SPPL2B: variants seen among roughly 807,000 people sequenced by gnomAD.
The protein encoded by SPPL2B is signal peptide peptidase-like 2B.
In SPPL2B, 39 loss-of-function variants were observed where a neutral mutation model predicts 59.7. That is an observed-to-expected ratio of 0.65 (90% CI 0.51 to 0.85). SPPL2B has a LOEUF of 0.85. Ranked by LOEUF, SPPL2B falls within the 40% of genes least tolerant of loss-of-function variation. The pLI, the probability that SPPL2B is intolerant of heterozygous loss-of-function variation, is 0.00. For missense variants in SPPL2B, 865 were observed against 849.0 expected (o/e 1.02, Z -0.23); for synonymous variants, 419 against 370.8 (o/e 1.13, Z -1.49).
chr19:2,350,857 A>G (rs575746623), intron 13 of SPPL2B, among the ~76,000 whole-genome samples: 3 of 152,314 alleles, frequency 2.0e-5, no homozygotes, highest in South Asian at 4.1e-4. Flanking sequence ...AAGGGTGGCC[A>G]TGTGTGCGTT....
At chr19:2,330,577 G>A (rs1968234451) in intron 1 of SPPL2B, 1 of 148,542 alleles carries the variant, frequency 6.7e-6, no homozygotes, top group East Asian at 1.9e-4. Flanking sequence ...GTGTAGGGTG[G>A]AATAATGCTG....
At chr19:2,347,914 C>T (rs1479826987) in intron 13 of SPPL2B, among the ~76,000 whole-genome samples, 3 of 28,940 alleles carry the variant, frequency 1.0e-4, no homozygotes, top group Non-Finnish European at 1.6e-4. Flanking sequence ...TCTTATTCGC[C>T]TGATTCCGTT....
Position 2,350,307 on chromosome 19 carries a change from G to A in SPPL2B, c.1355-1127G>A, listed in dbSNP as rs915641792. ...TCCACACACTCACGCGCTGTCATTC[G>A]CTTGACTCCGTTCTCTCTCCACACA... On this transcript the variant is annotated intron_variant, in intron 13 of 14. Transcript: ENST00000613503. 7.3e-5 allele frequency among the ~76,000 whole-genome samples: 8 copies of A among 110,184 alleles called. No individual in the cohort carries two copies. The East Asian group carries it at 1.9e-3, about 27-fold the overall frequency. The allele number at this position is 110,184 out of a possible 152,430, so 72.3% of individuals were successfully genotyped here.
At chr19:2,335,639 C>T (rs553881666) in intron 2 of SPPL2B, among the ~76,000 whole-genome samples, 1 of 151,038 alleles carries the variant, frequency 6.6e-6, no homozygotes, top group Non-Finnish European at 1.5e-5. Context: ...CTTCAGGCCC[C>T]GCCTCCTTTC....
chr19:2,339,717 T>C, intron 5 of SPPL2B, 107 bp from the exon 6 acceptor site: 1 of 1,367,606 alleles, frequency 7.3e-7, no homozygotes, highest in Non-Finnish European at 1.0e-6. Context: ...CCGGGTCCCC[T>C]CCTGCTCCCG....
chr19:2,339,128 C>T lies in SPPL2B; in HGVS notation c.519C>T (p.Tyr173=), dbSNP rs372708230. Residue 173 remains tyrosine, a synonymous_variant, in exon 5 of 15, where the codon TAC becomes TAT. Coordinates refer to ENST00000613503, the MANE Select transcript of SPPL2B (RefSeq NM_152988.3). The part of the protein sequence containing the change: ...LYAPKEPVLD[Y]NMVIIFIMAV... ...CGCCTAAGGAGCCGGTGCTGGACTA[C>T]AACATGGTCATCATCTTCATCATGG... The T allele has an allele frequency of 1.1e-4, 181 of 1,589,936 alleles. No homozygotes were observed. In the African/African-American group the frequency reaches 1.6e-3, roughly 14 times the overall value.
chr19:2,330,690 G>A (rs1447083311), intron 1 of SPPL2B: 3 of 152,604 alleles, frequency 2.0e-5, no homozygotes, highest in Non-Finnish European at 4.4e-5. Flanking sequence ...GGGCAGTGGT[G>A]CGAGTGGCCC....
intron 13 of SPPL2B, among the ~76,000 whole-genome samples, chr19:2,346,955 A>G (rs1969404104): frequency 6.6e-6 from 1 of 151,950 alleles, no homozygotes; most frequent in African/African-American, 2.4e-5. Flanking sequence ...TGCTGGACAC[A>G]GCGGCTCTTT....
intron 2 of SPPL2B, 49 bp from the exon 3 acceptor site, chr19:2,337,394 C>T (rs1252772377): frequency 6.6e-7 from 1 of 1,516,112 alleles, no homozygotes; most frequent in African/African-American, 1.4e-5. Context: ...GCTGGGCCCT[C>T]CTGGTGACTC....
Position 2,353,121 on chromosome 19 carries a change from C to A in SPPL2B, c.1691C>A (p.Pro564His), listed in dbSNP as rs756339583. 1 of 1,610,820 alleles carries A rather than the reference C, an allele frequency of 6.2e-7. No individual in the cohort carries two copies. The highest frequency in any genetic ancestry group is 1.7e-5 in the Admixed American group (1 of 59,638). ...TCCGAGGAGATGGGGGCTGGAGCCCCCATGCGGGAGCCTGGGAGCCCAGCT... is the reference window on the plus strand; with the variant it reads ...TCCGAGGAGATGGGGGCTGGAGCCCACATGCGGGAGCCTGGGAGCCCAGCT... ...RTSEEMGAGA[P>H]MREPGSPAES... The change falls in exon 15 of 15, where the codon CCC becomes CAC. Residue 564 changes from proline (P) to histidine (H), a missense_variant. Coordinates refer to ENST00000613503, the MANE Select transcript of SPPL2B (RefSeq NM_152988.3).
intron 13 of SPPL2B, 56 bp downstream of exon 13, chr19:2,345,386 T>A: frequency 6.7e-7 from 1 of 1,483,788 alleles, no homozygotes; most frequent in South Asian, 1.1e-5. Flanking sequence ...CCACCCCGAC[T>A]TAGCCTCTGT....
At chr19:2,338,881 T>C (rs1968822936) in intron 4 of SPPL2B, 40 bp downstream of exon 4, 1 of 1,593,782 alleles carries the variant, frequency 6.3e-7, no homozygotes, top group African/African-American at 1.3e-5. Context: ...CCCGAGGAGA[T>C]GGGGCAGGGG....
chr19:2,348,219 A>C (rs1316836379), intron 13 of SPPL2B, among the ~76,000 whole-genome samples: 2 of 82,410 alleles, frequency 2.4e-5, no homozygotes, highest in African/African-American at 1.0e-4. Flanking sequence ...ACACACACAC[A>C]CTCTCATTCG....
chr19:2,341,416 G>T (rs1432713997), intron 8 of SPPL2B: 3 of 462,982 alleles, frequency 6.5e-6, no homozygotes, highest in Non-Finnish European at 1.3e-5. Context: ...GGTCCTCTTG[G>T]TCATGACTGC....
intron 1 of SPPL2B, among the ~76,000 whole-genome samples, chr19:2,329,022 G>A (rs530400304): frequency 1.6e-4 from 25 of 152,318 alleles, no homozygotes; most frequent in African/African-American, 5.5e-4. Flanking sequence ...CTTCCCACCG[G>A]GTCTGAAATT....
chr19:2,350,070 G>A (rs375929787), intron 13 of SPPL2B, among the ~76,000 whole-genome samples: 136 of 124,488 alleles, frequency 1.1e-3, no homozygotes, highest in Middle Eastern at 6.8e-3. Flanking sequence ...ACACACTCAC[G>A]CGCTCTCATT....
At chr19:2,331,577 T>A (rs1054942803) in intron 1 of SPPL2B, among the ~76,000 whole-genome samples, 5 of 152,228 alleles carry the variant, frequency 3.3e-5, no homozygotes, top group Admixed American at 2.0e-4. Context: ...GGCTTGTTTT[T>A]TTAATGGAAA....
At chr19:2,351,744 G>A (rs1320824247) in intron 14 of SPPL2B, 150 bp downstream of exon 14, 11 of 1,065,902 alleles carry the variant, frequency 1.0e-5, no homozygotes, top group Non-Finnish European at 1.5e-5. Flanking sequence ...TGTCATGCGC[G>A]TGAGGCCCCG....
intron 14 of SPPL2B, among the ~76,000 whole-genome samples, chr19:2,352,182 G>T (rs1241376308): frequency 6.6e-6 from 1 of 152,158 alleles, no homozygotes; most frequent in African/African-American, 2.4e-5. Context: ...GGAGTGGGTG[G>T]GACCCCCCCT....
Sources: gnomAD v4.1 joint callset for allele counts (sites outside exome capture counted in the v4.1 genomes callset) on GRCh38, gnomAD v4.1.1 for gene constraint, MANE v1.5 for transcripts, NCBI Gene and HGNC (gene_info 2026-07-23, HGNC 2026-07-21) for gene names.